Variants in DLG2 observed in about 807,000 individuals in gnomAD.
The protein encoded by DLG2 is disks large homolog 2.
In DLG2, 45 loss-of-function variants were observed where a neutral mutation model predicts 132.5. The observed-to-expected ratio is 0.34, with a 90% confidence interval of 0.27 to 0.44. The LOEUF is 0.44. DLG2 is among the 20% of genes least tolerant of loss of function. The probability of loss-of-function intolerance (pLI) is 1.00; values close to 1 mark genes in which losing one functional copy is unlikely to be tolerated. For synonymous variants in DLG2, 424 were observed against 419.6 expected, an observed-to-expected ratio of 1.01 and a Z score of -0.13; for missense variants, 1,045 against 1,196.9, an observed-to-expected ratio of 0.87 and a Z score of 1.87.
At chr11:84,218,791 A>G (rs1272335595) in intron 8 of DLG2, among the ~76,000 whole-genome samples, 2 of 152,238 alleles carry the variant, frequency 1.3e-5, no homozygotes, top group African/African-American at 4.8e-5. Context: ...AGGAGTTGGC[A>G]TTACTGACAT....
At chr11:83,854,400 A>G (rs1352787472) in intron 16 of DLG2, among the ~76,000 whole-genome samples, 1 of 152,152 alleles carries the variant, frequency 6.6e-6, no homozygotes, top group Non-Finnish European at 1.5e-5. Context: ...CCAAATAGCA[A>G]GCAAATATTG....
intron 6 of DLG2, among the ~76,000 whole-genome samples, chr11:84,667,777 G>A (rs2099701448): frequency 6.6e-6 from 1 of 152,054 alleles, no homozygotes; most frequent in African/African-American, 2.4e-5. Flanking sequence ...GGGATTACAA[G>A]TGTAAGCCAC....
At chr11:83,944,278 T>C (rs2083309395) in intron 14 of DLG2, among the ~76,000 whole-genome samples, 1 of 152,206 alleles carries the variant, frequency 6.6e-6, no homozygotes, top group Admixed American at 6.5e-5. Context: ...CACTAAAGAA[T>C]GTATTTATAT....
intron 3 of DLG2, among the ~76,000 whole-genome samples, chr11:85,477,231 T>C (rs891314126): frequency 6.6e-6 from 1 of 152,166 alleles, no homozygotes; most frequent in African/African-American, 2.4e-5. Context: ...AAAAAATGCA[T>C]GCATGTTTCT....
intron 9 of DLG2, among the ~76,000 whole-genome samples, chr11:84,107,301 A>G (rs890640300): frequency 2.0e-5 from 3 of 152,096 alleles, no homozygotes; most frequent in African/African-American, 7.2e-5. Context: ...ACAGTATTGT[A>G]TAAGTTTATG....
intron 6 of DLG2, among the ~76,000 whole-genome samples, chr11:84,577,080 G>T (rs2099502304): frequency 6.6e-6 from 1 of 152,114 alleles, no homozygotes; most frequent in Admixed American, 6.5e-5. Context: ...TTTGGCTTTT[G>T]CTTCTTTCTC....
chr11:84,470,992 C>G (rs2099107019), intron 7 of DLG2, among the ~76,000 whole-genome samples: 1 of 151,782 alleles, frequency 6.6e-6, no homozygotes, highest in Non-Finnish European at 1.5e-5. Context: ...TTCTTATACA[C>G]TGTGCTGACT....
chr11:84,540,045 A>T lies in DLG2; in HGVS notation c.358-5314T>A, dbSNP rs2099364402. On this transcript the variant is annotated intron_variant, in intron 6 of 27. Coordinates refer to ENST00000376104, the MANE Select transcript of DLG2 (RefSeq NM_001142699.3). Reference sequence around the variant, plus strand: ...CATCTTATACCAAAATTAATTCAAGATGGATTAAAGACTTAAATGTTAGAC... The same window carrying T: ...CATCTTATACCAAAATTAATTCAAGTTGGATTAAAGACTTAAATGTTAGAC... Among the ~76,000 whole-genome samples the T allele has an allele frequency of 5.3e-5, 8 of 152,344 alleles. 1 individual carries two copies. The South Asian group carries it at 1.7e-3, about 32-fold the overall frequency.
chr11:83,576,680 TA>T (rs1267169357), intron 19 of DLG2, among the ~76,000 whole-genome samples: 1 of 152,144 alleles, frequency 6.6e-6, no homozygotes, highest in Non-Finnish European at 1.5e-5. Flanking sequence ...TATATCCAGA[TA>T]AAATATCTTT....
Position 85,201,905 on chromosome 11 carries a change from TA to T in DLG2, c.187-47255del, listed in dbSNP as rs531160440. ...AAATGTAACAGATAAATCAAAATAA[TA>T]AAAAAAATTCTAGAGCTTAAAAATA... On this transcript the variant is annotated intron_variant, in intron 4 of 27. Transcript: ENST00000376104. Among the ~76,000 whole-genome samples the T allele has an allele frequency of 2.3e-4, 35 of 148,980 alleles. 1 individual carries two copies. Among genetic ancestry groups the T allele is most frequent in the Admixed American group, 2.1e-3 (32 of 14,910 alleles).
At chr11:85,224,058 A>G (rs1390832485) in intron 4 of DLG2, among the ~76,000 whole-genome samples, 1 of 152,202 alleles carries the variant, frequency 6.6e-6, no homozygotes, top group African/African-American at 2.4e-5. Context: ...GAATAATTTT[A>G]TTACCTACCA....
intron 22 of DLG2, chr11:83,483,194 A>AAACT (rs2093263784): frequency 1.3e-6 from 2 of 1,483,076 alleles, no homozygotes; most frequent in East Asian, 2.3e-5. Flanking sequence ...AACAAAAGCC[A>AAACT]AACTCAAAAG....
At chr11:84,339,326 T>C (rs577825400) in intron 7 of DLG2, among the ~76,000 whole-genome samples, 20 of 152,338 alleles carry the variant, frequency 1.3e-4, no homozygotes, top group Non-Finnish European at 2.6e-4. Flanking sequence ...TTTCGTCATA[T>C]CCTCAACATA....
intron 7 of DLG2, among the ~76,000 whole-genome samples, chr11:84,406,625 C>T (rs1363557248): frequency 6.6e-6 from 1 of 152,206 alleles, no homozygotes; most frequent in Non-Finnish European, 1.5e-5. Flanking sequence ...CAGGCATGAG[C>T]CACCACATCC....
chr11:84,574,295 C>A (rs1442327234), intron 6 of DLG2, among the ~76,000 whole-genome samples: 1 of 151,722 alleles, frequency 6.6e-6, no homozygotes, highest in East Asian at 1.9e-4. Context: ...TAAGATATTA[C>A]AGGATGTTAT....
intron 19 of DLG2, among the ~76,000 whole-genome samples, chr11:83,567,231 A>G (rs2143021225): frequency 6.6e-6 from 1 of 152,300 alleles, no homozygotes; most frequent in Middle Eastern, 3.4e-3. Context: ...GCAGATCCCA[A>G]GCTATAATAT....
chr11:85,136,078 C>T (rs566480109), intron 5 of DLG2, among the ~76,000 whole-genome samples: 210 of 152,262 alleles, frequency 1.4e-3, no homozygotes, highest in Middle Eastern at 3.4e-3. Flanking sequence ...TATGTTATAC[C>T]TTTATACAAT....
chr11:83,690,660 C>T (rs2080819695), intron 18 of DLG2, among the ~76,000 whole-genome samples: 1 of 120,070 alleles, frequency 8.3e-6, no homozygotes, highest in South Asian at 2.9e-4. Context: ...GGGTATCAAA[C>T]ATTTCGGTCC....
intron 6 of DLG2, among the ~76,000 whole-genome samples, chr11:84,563,372 T>C (rs960176191): frequency 1.3e-5 from 2 of 152,200 alleles, no homozygotes; most frequent in African/African-American, 4.8e-5. Context: ...TTGATATTTC[T>C]TTTTTTCAAA....
Sources: allele counts gnomAD v4.1 joint callset (sites outside exome capture counted in the v4.1 genomes callset), GRCh38; gene constraint gnomAD v4.1.1; transcripts MANE v1.5; gene names NCBI Gene and HGNC (gene_info 2026-07-23, HGNC 2026-07-21).